The following NMS variants were observed in gnomAD, a reference collection of about 807,000 sequenced individuals.
NMS encodes the protein neuromedin-S.
A neutral mutation model predicts 32.2 loss-of-function variants in NMS; 30 were observed. The observed-to-expected ratio is 0.93, with a 90% CI of 0.70 to 1.26. The LOEUF is 1.26. Ranked by LOEUF, NMS falls within the 50% of genes most tolerant of loss-of-function variation. The probability of loss-of-function intolerance (pLI) is 0.00; values close to 1 mark genes in which losing one functional copy is unlikely to be tolerated. For synonymous variants in NMS, 76 were observed against 58.5 expected (o/e 1.30, Z -1.37); for missense variants, 190 against 186.3 (o/e 1.02, Z -0.12).
rs1677027119 is a variant in NMS at position 100,472,826 on chromosome 2, T to C, written c.108T>C (p.Asp36=). Residue 36 remains aspartate, a synonymous_variant, in exon 2 of 10, where the codon GAT becomes GAC. Coordinates refer to ENST00000376865, the MANE Select transcript of NMS (RefSeq NM_001011717.1). ...GFPQPLADPS[D]GLDIVQLEQL... Reference sequence around the variant, plus strand: ...CTCAACCTTTAGCTGATCCTTCAGATGGCTTGGATATTGTGCAGCTTGAGG... The same window carrying C: ...CTCAACCTTTAGCTGATCCTTCAGACGGCTTGGATATTGTGCAGCTTGAGG... The C allele has an allele frequency of 3.7e-6, 6 of 1,611,562 alleles. No individual in the cohort carries two copies. The highest frequency in any genetic ancestry group is 5.1e-6 in the Non-Finnish European group (6 of 1,177,972).
intron 2 of NMS, among the ~76,000 whole-genome samples, chr2:100,473,137 C>T (rs530767870): frequency 4.6e-5 from 7 of 152,136 alleles, no homozygotes; most frequent in South Asian, 2.1e-4. Flanking sequence ...ATCTTTGATT[C>T]GTTGTCTAAA....
chr2:100,477,072 C>T (rs774431620), intron 3 of NMS, among the ~76,000 whole-genome samples, 172 bp from the exon 4 acceptor site: 8 of 152,122 alleles, frequency 5.3e-5, no homozygotes, highest in Non-Finnish European at 8.8e-5. Flanking sequence ...TAAGATCCTG[C>T]ATCAACTATA....
intron 3 of NMS, among the ~76,000 whole-genome samples, chr2:100,474,423 C>T (rs753359847): frequency 6.6e-6 from 1 of 152,204 alleles, no homozygotes; most frequent in East Asian, 1.9e-4. Context: ...AGGCCCTTGA[C>T]GTCCTTGCAC....
At chr2:100,477,160 A>G (rs988491254) in intron 3 of NMS, 84 bp from the exon 4 acceptor site, 5 of 1,132,694 alleles carry the variant, frequency 4.4e-6, no homozygotes, top group Non-Finnish European at 6.7e-6. Flanking sequence ...ACTAAGGTCC[A>G]TGGTGTACCT....
At position 100,473,495 on chromosome 2, in the gene NMS, G is replaced by A. The variant is rs1205262566; in HGVS notation, c.139G>A (p.Ala47Thr). The change falls in exon 3 of 10, where the codon GCA becomes ACA. Residue 47 changes from alanine to threonine, a missense_variant. Coordinates refer to ENST00000376865, the MANE Select transcript of NMS (RefSeq NM_001011717.1). ...GLDIVQLEQL[A>T]YCLSQWAPLS... Reference sequence around the variant, plus strand: ...TCTTCATTTTATTTTTTAGCAGCTGGCATATTGTCTGAGTCAGTGGGCACC... The same window carrying A: ...TCTTCATTTTATTTTTTAGCAGCTGACATATTGTCTGAGTCAGTGGGCACC... 2.0e-6 allele frequency: 3 copies of A among 1,484,298 alleles called. No individual in the cohort carries two copies. The highest frequency in any genetic ancestry group is 1.5e-5 in the South Asian group (1 of 66,800). The allele number at this position is 1,484,298 out of a possible 1,614,324, so 91.9% of individuals were successfully genotyped here.
chr2:100,476,064 C>A (rs7609536), intron 3 of NMS, among the ~76,000 whole-genome samples: 47,914 of 150,462 alleles, frequency 0.32, 8,615 homozygotes, highest in African/African-American at 0.49. Context: ...AACGTTGAGC[C>A]GGGTATTTAG....
chr2:100,470,711 C>T (rs1051829685), intron 1 of NMS, 147 bp downstream of exon 1: 10 of 714,988 alleles, frequency 1.4e-5, no homozygotes, highest in Non-Finnish European at 2.2e-5. Context: ...TTTGTTGGAA[C>T]CTTTAGGAGA....
intron 8 of NMS, among the ~76,000 whole-genome samples, chr2:100,482,057 G>T (rs773481793): frequency 1.3e-5 from 2 of 152,160 alleles, no homozygotes; most frequent in South Asian, 2.1e-4. Context: ...ACAGTGTTGG[G>T]GTCCTAGGAG....
chr2:100,476,004 A>C (rs1558668037), intron 3 of NMS, among the ~76,000 whole-genome samples: 1 of 151,752 alleles, frequency 6.6e-6, no homozygotes, highest in Admixed American at 6.6e-5. Flanking sequence ...ATCTCCAAAA[A>C]AAAAAAAGAA....
At position 100,479,273 on chromosome 2, in the gene NMS, A is replaced by G. The variant is rs1677170360; in HGVS notation, c.262-80A>G. On this transcript the variant is annotated intron_variant, in intron 5 of 9. Coordinates refer to ENST00000376865, the MANE Select transcript of NMS (RefSeq NM_001011717.1). ...TTGTAAGGGAAGTGAGTAGAAAGAA[A>G]TGCGCATAGCCCTGGGCTCTCAAAA... 6.3e-6 allele frequency: 6 copies of G among 955,598 alleles called. No homozygotes were observed. The South Asian group carries it at 1.3e-4, about 21-fold the overall frequency. 59.2% of individuals were successfully genotyped at this position (955,598 alleles called of 1,614,324 possible).
chr2:100,481,872 C>A (rs969066090), intron 8 of NMS, among the ~76,000 whole-genome samples: 1 of 152,200 alleles, frequency 6.6e-6, no homozygotes, highest in Non-Finnish European at 1.5e-5. Context: ...GACCATGGAG[C>A]TGCTTCCCAC....
rs192377530 is a variant in NMS at position 100,477,267 on chromosome 2, G to T, written c.207G>T (p.Arg69Ser). 1.4e-4 allele frequency: 222 copies of T among 1,613,400 alleles called. 3 individuals are homozygous for T. In the East Asian group the frequency reaches 4.6e-3, roughly 33 times the overall value. Reference protein sequence around the residue: ...QPKDNQDIYKRFLFHYSRTQE... With the variant: ...QPKDNQDIYKSFLFHYSRTQE... The stretch of plus-strand genomic sequence containing the variant: ...AGGATAATCAAGACATATACAAAAG[G>T]GTGAGTACCACCTAGCCCTGTACAA... The change falls in exon 4 of 10, where the codon AGG becomes AGT. Residue 69 changes from arginine (R) to serine (S), a missense_variant and splice_region_variant. Arg to Ser is a moderately radical substitution (Grantham distance 110, BLOSUM62 -1). Coordinates refer to ENST00000376865, the MANE Select transcript of NMS (RefSeq NM_001011717.1).
At chr2:100,481,313 A>T in intron 8 of NMS, 146 bp downstream of exon 8, 1 of 806,880 alleles carries the variant, frequency 1.2e-6, no homozygotes, top group Non-Finnish European at 2.1e-6. Flanking sequence ...ACTGGGAATC[A>T]CTCCAAGTAA....
intron 3 of NMS, among the ~76,000 whole-genome samples, chr2:100,475,442 A>T (rs186757981): frequency 4.1e-4 from 63 of 152,094 alleles, no homozygotes; most frequent in Non-Finnish European, 1.8e-4. Flanking sequence ...CATCCACAAA[A>T]CTCTTCATGT....
intron 1 of NMS, among the ~76,000 whole-genome samples, chr2:100,472,381 C>T (rs1367996713): frequency 1.3e-5 from 2 of 152,216 alleles, no homozygotes; most frequent in South Asian, 4.1e-4. Flanking sequence ...ATCCATGTGT[C>T]TTCAAAGTTC....
At chr2:100,479,912 AAAAT>A (rs1463343589) in intron 6 of NMS, among the ~76,000 whole-genome samples, 1 of 152,226 alleles carries the variant, frequency 6.6e-6, no homozygotes, top group Admixed American at 6.5e-5. Context: ...CATGGTAGCA[AAAAT>A]AAATAAACAA....
chr2:100,481,104 C>A, intron 7 of NMS, 22 bp from the exon 8 acceptor site: 1 of 1,613,508 alleles, frequency 6.2e-7, no homozygotes, highest in Non-Finnish European at 8.5e-7. Flanking sequence ...TGCATAATGG[C>A]TTGTGTTTCT....
Position 100,483,244 on chromosome 2 carries a change from T to C in NMS, c.450-8T>C. ...ACTGAGCAGTGCATTTTTCTTTTCT[T>C]TTTTTAGGATTCAGTGGTGAAAGAA... On this transcript the variant is annotated splice_region_variant and splice_polypyrimidine_tract_variant and intron_variant, in intron 9 of 9. Coordinates refer to ENST00000376865, the MANE Select transcript of NMS (RefSeq NM_001011717.1). 6.2e-7 allele frequency: 1 copy of C among 1,612,240 alleles called. No individual in the cohort carries two copies. The highest frequency in any genetic ancestry group is 8.5e-7 in the Non-Finnish European group (1 of 1,178,714).
In NMS at chr2:100,470,496, A is replaced by G. The variant is rs747816689; in HGVS notation, c.8A>G (p.His3Arg). The G allele has an allele frequency of 1.2e-6, 2 of 1,613,662 alleles. No homozygotes were observed. The highest frequency in any genetic ancestry group is 1.1e-5 in the South Asian group (1 of 91,072). ...AGAAACCAGACTCTCACAATGAAACATCTTCGTCCCCAGTTCCCTCTCATC... is the reference window on the plus strand; with the variant it reads ...AGAAACCAGACTCTCACAATGAAACGTCTTCGTCCCCAGTTCCCTCTCATC... The part of the protein sequence containing the change: MK[H>R]LRPQFPLILA... The change falls in exon 1 of 10, where the codon CAT (histidine) becomes CGT (arginine). Residue 3 changes from histidine (H) to arginine (R), a missense_variant. Transcript: ENST00000376865.
Sources: allele counts gnomAD v4.1 joint callset (sites outside exome capture counted in the v4.1 genomes callset), GRCh38; gene constraint gnomAD v4.1.1; transcripts MANE v1.5; gene names NCBI Gene and HGNC (gene_info 2026-07-23, HGNC 2026-07-21).